CDK5RAP2: variants seen among roughly 807,000 people sequenced by gnomAD.
The protein encoded by CDK5RAP2 is CDK5 regulatory subunit associated protein 2.
CDK5RAP2 carries 147 observed loss-of-function variants against 232.9 expected under a neutral mutation model. That is an observed-to-expected ratio of 0.63 (90% confidence interval 0.55 to 0.72). The LOEUF (loss-of-function observed/expected upper bound fraction) is 0.72, where lower values mean the gene tolerates loss of function less well. CDK5RAP2 is among the 30% of genes least tolerant of loss of function. The pLI, the probability that CDK5RAP2 is intolerant of heterozygous loss-of-function variation, is 0.00. For missense variants in CDK5RAP2, 2,195 were observed against 2,231.5 expected (o/e 0.98, Z 0.33); for synonymous variants, 833 against 833.7 (o/e 1.00, Z 0.01).
At chr9:120,470,794 A>C (rs1588425344) in intron 16 of CDK5RAP2, among the ~76,000 whole-genome samples, 1 of 128,618 alleles carries the variant, frequency 7.8e-6, no homozygotes, top group Non-Finnish European at 1.6e-5. Context: ...TCTAATAGGA[A>C]GGGGAGAAGT....
intron 32 of CDK5RAP2, chr9:120,406,227 C>A (rs1327846512): frequency 1.3e-5 from 2 of 152,214 alleles, no homozygotes; most frequent in East Asian, 3.8e-4. Flanking sequence ...TGGCATTCCT[C>A]ATCCCACTGG....
intron 11 of CDK5RAP2, among the ~76,000 whole-genome samples, chr9:120,522,236 C>CATAT (rs2040700441): frequency 6.6e-6 from 1 of 152,174 alleles, no homozygotes; most frequent in Non-Finnish European, 1.5e-5. Context: ...TGTCAATGAC[C>CATAT]TGGCAGTGAT....
intron 34 of CDK5RAP2, chr9:120,401,087 A>G: frequency 1.7e-6 from 1 of 593,758 alleles, no homozygotes; most frequent in Non-Finnish European, 3.0e-6. Flanking sequence ...TGGTGATCTT[A>G]GCCCAATCAA....
intron 26 of CDK5RAP2, among the ~76,000 whole-genome samples, chr9:120,420,727 G>A (rs1211446889): frequency 3.9e-5 from 6 of 152,094 alleles, no homozygotes; most frequent in Non-Finnish European, 7.4e-5. Flanking sequence ...CATGAGCTCA[G>A]ACAACAGCAA....
intron 12 of CDK5RAP2, among the ~76,000 whole-genome samples, chr9:120,515,887 G>A (rs1033687661): frequency 4.6e-5 from 7 of 152,238 alleles, no homozygotes; most frequent in Non-Finnish European, 8.8e-5. Context: ...TGGAGAGGAT[G>A]TGGAGAAATA....
At chr9:120,505,856 C>T (rs2039785748) in intron 12 of CDK5RAP2, among the ~76,000 whole-genome samples, 1 of 152,148 alleles carries the variant, frequency 6.6e-6, no homozygotes, top group East Asian at 1.9e-4. Context: ...TTGAAGCTAG[C>T]AGAGGTTGGT....
intron 31 of CDK5RAP2, 83 bp downstream of exon 31, chr9:120,408,264 T>C (rs1280133873): frequency 6.5e-7 from 1 of 1,528,516 alleles, no homozygotes; most frequent in Admixed American, 1.7e-5. Flanking sequence ...GGCTGAGCTC[T>C]GCCCTCCTGT....
At position 120,515,773 on chromosome 9, in the gene CDK5RAP2, C is replaced by T. The variant is rs541488429; in HGVS notation, c.1311+2654G>A. Among the ~76,000 whole-genome samples, 311 of 152,312 alleles carry T rather than the reference C, an allele frequency of 2.0e-3. 3 individuals carry two copies. Among genetic ancestry groups the T allele is most frequent in the Admixed American group, 0.018 (280 of 15,304 alleles). Reference sequence around the variant, plus strand: ...GCCAAAAAACACATGAAAAAATGCTCATCATCACTGGCCATCAGATAAATG... The same window carrying T: ...GCCAAAAAACACATGAAAAAATGCTTATCATCACTGGCCATCAGATAAATG... On this transcript the variant is annotated intron_variant, in intron 12 of 37. Coordinates refer to ENST00000349780, the MANE Select transcript of CDK5RAP2 (RefSeq NM_018249.6).
intron 1 of CDK5RAP2, among the ~76,000 whole-genome samples, chr9:120,574,054 A>C (rs1349119665): frequency 6.6e-6 from 1 of 152,214 alleles, no homozygotes; most frequent in East Asian, 1.9e-4. Context: ...GCCAAGATCA[A>C]TCACAGCTGA....
At chr9:120,486,940 G>A (rs2038642985) in intron 14 of CDK5RAP2, among the ~76,000 whole-genome samples, 1 of 152,138 alleles carries the variant, frequency 6.6e-6, no homozygotes, top group Non-Finnish European at 1.5e-5. Context: ...CTTGATTTGG[G>A]GCCAGATAAG....
intron 15 of CDK5RAP2, among the ~76,000 whole-genome samples, chr9:120,472,808 GATGGAAATGTTCT>G (rs2037791502): frequency 6.6e-6 from 1 of 152,232 alleles, no homozygotes; most frequent in Non-Finnish European, 1.5e-5. Context: ...TTTCTCCAGT[GATGGAAATGTTCT>G]ATATCTTCAC....
At chr9:120,537,043 T>C (rs2041424512) in intron 6 of CDK5RAP2, among the ~76,000 whole-genome samples, 1 of 151,632 alleles carries the variant, frequency 6.6e-6, no homozygotes. Context: ...GAGGAAATTA[T>C]CTAAATCATG....
chr9:120,456,950 T>C (rs1415659937), intron 20 of CDK5RAP2, among the ~76,000 whole-genome samples: 4 of 152,232 alleles, frequency 2.6e-5, no homozygotes, highest in African/African-American at 4.8e-5. Context: ...CAGAACCTTT[T>C]CTACGGTTCA....
intron 18 of CDK5RAP2, among the ~76,000 whole-genome samples, chr9:120,462,373 T>C (rs1452010285): frequency 6.6e-6 from 1 of 152,016 alleles, no homozygotes; most frequent in Non-Finnish European, 1.5e-5. Flanking sequence ...GGAAAAAGTA[T>C]TGGCAATTTC....
intron 25 of CDK5RAP2, among the ~76,000 whole-genome samples, chr9:120,430,247 C>T (rs374801764): frequency 6.6e-6 from 1 of 152,064 alleles, no homozygotes; most frequent in Admixed American, 6.5e-5. Flanking sequence ...CAACAAAAGC[C>T]AAAATTGACA....
chr9:120,580,136 C>T lies in CDK5RAP2; in HGVS notation c.-158G>A. 1 of 589,630 alleles carries T rather than the reference C, an allele frequency of 1.7e-6. No homozygotes were observed. Among genetic ancestry groups the T allele is most frequent in the South Asian group, 2.1e-5 (1 of 46,958 alleles). The allele number at this position is 589,630 out of a possible 1,614,324, so 36.5% of individuals were successfully genotyped here. A position where few individuals can be genotyped will look rare whatever the true frequency, so the allele number is the denominator to read the frequency against. On this transcript the variant is annotated 5_prime_UTR_variant, in exon 1 of 38. Coordinates refer to ENST00000349780, the MANE Select transcript of CDK5RAP2 (RefSeq NM_018249.6). ...GCTGGAATTCAAACCACAGACGCCG[C>T]CATCTTTCCCGGCGCTTCTTCCTAC...
rs193196156 is a variant in CDK5RAP2, at chr9:120,408,479, C to G, written c.4605-11G>C. 2.0e-4 allele frequency: 320 copies of G among 1,614,030 alleles called. 1 individual carries two copies. The African/African-American group carries it at 3.6e-3, about 18-fold the overall frequency. On this transcript the variant is annotated splice_polypyrimidine_tract_variant and intron_variant, in intron 30 of 37. Coordinates refer to ENST00000349780, the MANE Select transcript of CDK5RAP2 (RefSeq NM_018249.6). Reference sequence around the variant, plus strand: ...ACCTCCTCCTGCACCCTGAGAAGGCCCCACAGGCATGAGAAGGACAGGTTA... The same window carrying G: ...ACCTCCTCCTGCACCCTGAGAAGGCGCCACAGGCATGAGAAGGACAGGTTA...
intron 9 of CDK5RAP2, 94 bp downstream of exon 9, chr9:120,528,650 C>T (rs974603725): frequency 7.5e-6 from 6 of 804,320 alleles, no homozygotes; most frequent in Non-Finnish European, 1.3e-5. Flanking sequence ...GTGACAGCTA[C>T]TGTGACACAG....
intron 2 of CDK5RAP2, among the ~76,000 whole-genome samples, chr9:120,571,470 C>T (rs1395603012): frequency 6.6e-6 from 1 of 152,182 alleles, no homozygotes; most frequent in African/African-American, 2.4e-5. Context: ...CCTCATAATC[C>T]AGCTTAAACA....
Sources: gnomAD v4.1 joint callset for allele counts (sites outside exome capture counted in the v4.1 genomes callset) on GRCh38, gnomAD v4.1.1 for gene constraint, MANE v1.5 for transcripts, NCBI Gene and HGNC (gene_info 2026-07-23, HGNC 2026-07-21) for gene names.